The following PHF24 variants were observed in gnomAD, a reference collection of about 807,000 sequenced individuals.
PHF24 encodes the protein PHD finger protein 24, also known as Galpha inhibitory interacting protein.
In PHF24, 25 loss-of-function variants were observed where a neutral mutation model predicts 42.6. That is an observed-to-expected ratio of 0.59 (90% CI 0.43 to 0.82). The LOEUF is 0.82. Among genes scored for constraint, PHF24 ranks in the 40% least tolerant of loss-of-function variants. The pLI is 0.00. For synonymous variants in PHF24, 185 were observed against 204.8 expected (o/e 0.90, Z 0.83); for missense variants, 470 against 538.1 (o/e 0.87, Z 1.25).
chr9:34,959,064 C>T (rs1371975478), intron 1 of PHF24, among the ~76,000 whole-genome samples: 3 of 152,232 alleles, frequency 2.0e-5, no homozygotes, highest in African/African-American at 7.2e-5. Context: ...TTTTTCTTCT[C>T]CATGGTAGCC....
chr9:34,819,559 A>G, the PHF24 span, among the ~76,000 whole-genome samples: 4 of 152,126 alleles, frequency 2.6e-5, no homozygotes, highest in Non-Finnish European at 4.4e-5. Flanking sequence ...TGCTTTATCC[A>G]TGAGATATTT....
chr9:34,968,105 CAT>C (rs1202528788), intron 1 of PHF24, among the ~76,000 whole-genome samples: 3 of 152,158 alleles, frequency 2.0e-5, no homozygotes, highest in South Asian at 2.1e-4. Context: ...TAGATCATAA[CAT>C]GAGCATTTTT....
At chr9:34,835,551 G>T in the PHF24 span, 4 of 1,551,630 alleles carry the variant, frequency 2.6e-6, no homozygotes, top group African/African-American at 5.5e-5. Flanking sequence ...AAGTGATGCT[G>T]GCCTTGGTTT....
At chr9:34,894,401 C>A in the PHF24 span, 233 of 398,392 alleles carry the variant, frequency 5.8e-4, no homozygotes, top group Non-Finnish European at 8.8e-4. Flanking sequence ...GATCACAGAC[C>A]AGACTAGCAG....
At chr9:34,739,148 A>G in the PHF24 span, among the ~76,000 whole-genome samples, 1 of 152,198 alleles carries the variant, frequency 6.6e-6, no homozygotes, top group African/African-American at 2.4e-5. Flanking sequence ...TAAGAAACCT[A>G]TTTATTCATT....
exon 8 of PHF24, chr9:34,978,499 C>A (rs1320330547): frequency 1.6e-5 from 3 of 182,338 alleles, no homozygotes; most frequent in African/African-American, 7.0e-5. Flanking sequence ...GAGGGGGTCT[C>A]TACTCACCCC....
chr9:34,828,298 T>C, the PHF24 span, among the ~76,000 whole-genome samples: 2 of 152,166 alleles, frequency 1.3e-5, no homozygotes, highest in South Asian at 4.1e-4. Flanking sequence ...AGCCAGCCCC[T>C]TGACTTGGGA....
chr9:34,740,706 G>T, the PHF24 span, among the ~76,000 whole-genome samples: 1 of 152,222 alleles, frequency 6.6e-6, no homozygotes, highest in Non-Finnish European at 1.5e-5. Flanking sequence ...TGGGCTGAAG[G>T]GCTCCTCAAT....
chr9:34,742,700 G>C, the PHF24 span, among the ~76,000 whole-genome samples: 1 of 151,882 alleles, frequency 6.6e-6, no homozygotes, highest in African/African-American at 2.4e-5. Flanking sequence ...AAAATGCTGG[G>C]ACTACAGGTG....
chr9:34,824,667 G>A, the PHF24 span, among the ~76,000 whole-genome samples: 8 of 152,160 alleles, frequency 5.3e-5, no homozygotes, highest in African/African-American at 1.7e-4. Context: ...GTTGGAGGCT[G>A]ATTTTAAGCT....
At chr9:34,751,740 G>A in the PHF24 span, among the ~76,000 whole-genome samples, 2 of 152,170 alleles carry the variant, frequency 1.3e-5, no homozygotes, top group Non-Finnish European at 2.9e-5. Context: ...CCCACTGGCT[G>A]CAGAAGATAC....
At chr9:34,690,423 CCTGTGT>C in the PHF24 span, 6 of 913,260 alleles carry the variant, frequency 6.6e-6, no homozygotes, top group East Asian at 9.9e-5. Flanking sequence ...ATTGAGGACA[CCTGTGT>C]GTGTGTGTGT....
exon 8 of PHF24, chr9:34,978,218 T>C: frequency 1.2e-6 from 1 of 804,894 alleles, no homozygotes; most frequent in East Asian, 2.5e-5. Flanking sequence ...GTTGGGACAC[T>C]GCCAGCGTCT....
At chr9:34,923,043 G>GT in the PHF24 span, 33 of 359,536 alleles carry the variant, frequency 9.2e-5, no homozygotes, top group Non-Finnish European at 1.3e-4. Context: ...TTTAAGTTTT[G>GT]TTTTTGTTTT....
chr9:34,806,556 T>G, the PHF24 span, among the ~76,000 whole-genome samples: 1 of 152,116 alleles, frequency 6.6e-6, no homozygotes, highest in Non-Finnish European at 1.5e-5. Flanking sequence ...CCTCCTGGGT[T>G]CAAGCAATTC....
At chr9:34,893,072 G>T in the PHF24 span, 1 of 971,530 alleles carries the variant, frequency 1.0e-6, no homozygotes, top group Non-Finnish European at 1.5e-6. Flanking sequence ...AATCTCCAGA[G>T]CCATAACATT....
At chr9:34,935,064 C>T in the PHF24 span, among the ~76,000 whole-genome samples, 1 of 152,134 alleles carries the variant, frequency 6.6e-6, no homozygotes, top group Non-Finnish European at 1.5e-5. Context: ...AAAAGCAGGT[C>T]ATGACACAGG....
At chr9:34,683,692 T>C in the PHF24 span, among the ~76,000 whole-genome samples, 635 of 152,350 alleles carry the variant, frequency 4.2e-3, 26 homozygotes, top group Admixed American at 0.038. Context: ...CATAATGATA[T>C]TGGAAGCTAC....
chr9:34,834,440 G>A, the PHF24 span: 4 of 1,551,854 alleles, frequency 2.6e-6, no homozygotes, highest in Admixed American at 5.9e-5. Flanking sequence ...CTGGTCAGTG[G>A]AGGTAAGGAG....
Sources: allele counts gnomAD v4.1 joint callset (sites outside exome capture counted in the v4.1 genomes callset), GRCh38; gene constraint gnomAD v4.1.1; transcripts MANE v1.5; gene names NCBI Gene and HGNC (gene_info 2026-07-23, HGNC 2026-07-21).